The following HYDIN variants were observed in gnomAD, a reference collection of about 807,000 sequenced individuals.
HYDIN encodes the protein HYDIN axonemal central pair apparatus protein, also known as axonemal central pair apparatus protein HYDIN.
A neutral mutation model predicts 403.9 loss-of-function variants in HYDIN; 132 were observed. That is an observed-to-expected ratio of 0.33 (90% CI 0.28 to 0.38). The LOEUF (loss-of-function observed/expected upper bound fraction) is 0.38. Among genes scored for constraint, HYDIN ranks in the 10% least tolerant of loss-of-function variants. The pLI, the probability that HYDIN is intolerant of heterozygous loss-of-function variation, is 1.00. For synonymous variants in HYDIN, 1,202 were observed against 1,891.7 expected, an observed-to-expected ratio of 0.64 and a Z score of 9.46; for missense variants, 2,827 against 5,009.5, an observed-to-expected ratio of 0.56 and a Z score of 13.15.
chr16:70,880,434 G>C (rs2040720231), intron 60 of HYDIN, among the ~76,000 whole-genome samples: 1 of 150,342 alleles, frequency 6.7e-6, no homozygotes, highest in African/African-American at 2.5e-5. Flanking sequence ...CTGGATGAGA[G>C]AATGGAGCAG....
chr16:71,201,116 T>C (rs1395527163), intron 1 of HYDIN, among the ~76,000 whole-genome samples: 1 of 152,172 alleles, frequency 6.6e-6, no homozygotes, highest in East Asian at 1.9e-4. Context: ...GACATCCCCT[T>C]CTTATATGTC....
chr16:71,100,246 T>C (rs537661477), intron 10 of HYDIN, among the ~76,000 whole-genome samples: 1 of 152,326 alleles, frequency 6.6e-6, no homozygotes, highest in South Asian at 2.1e-4. Flanking sequence ...AATAAATGAA[T>C]GAATAAATAG....
chr16:71,031,141 A>T (rs1597593718), intron 19 of HYDIN, among the ~76,000 whole-genome samples: 1 of 143,416 alleles, frequency 7.0e-6, no homozygotes, highest in South Asian at 2.3e-4. Flanking sequence ...CGGAGCTTGC[A>T]GTGAGCAGAG....
chr16:71,216,985 A>G (rs915398930), intron 1 of HYDIN, among the ~76,000 whole-genome samples: 6 of 152,208 alleles, frequency 3.9e-5, no homozygotes, highest in Admixed American at 3.3e-4. Flanking sequence ...TTGTCCTACA[A>G]AAGAGTTTTA....
chr16:71,179,711 G>C (rs903504434), intron 3 of HYDIN, among the ~76,000 whole-genome samples: 1 of 152,202 alleles, frequency 6.6e-6, no homozygotes, highest in African/African-American at 2.4e-5. Flanking sequence ...TTTTAACAAA[G>C]TACTTGCTTT....
At chr16:70,847,100 G>T (rs1488760308) in intron 75 of HYDIN, among the ~76,000 whole-genome samples, 1 of 151,182 alleles carries the variant, frequency 6.6e-6, no homozygotes, top group African/African-American at 2.4e-5. Context: ...GTTAGCTGGT[G>T]ATTTTGCTCG....
chr16:70,820,098 G>C (rs1422127463), intron 83 of HYDIN, among the ~76,000 whole-genome samples: 6 of 149,440 alleles, frequency 4.0e-5, no homozygotes, highest in Admixed American at 2.7e-4. Context: ...GAGTTTACAG[G>C]CTTGAGCCAC....
At chr16:70,985,401 T>C (rs975896998) in intron 27 of HYDIN, 79 bp from the exon 28 acceptor site, 2 of 1,065,970 alleles carry the variant, frequency 1.9e-6, no homozygotes, top group East Asian at 2.6e-5. Context: ...ACATGCCTCA[T>C]GGATAAGGGT....
chr16:71,042,294 T>C (rs1168415113), intron 18 of HYDIN, among the ~76,000 whole-genome samples: 1 of 152,248 alleles, frequency 6.6e-6, no homozygotes, highest in African/African-American at 2.4e-5. Context: ...TCCTTACCTG[T>C]CAACACAGTC....
At chr16:71,105,321 A>T (rs1209746912) in intron 10 of HYDIN, among the ~76,000 whole-genome samples, 4 of 150,418 alleles carry the variant, frequency 2.7e-5, no homozygotes, top group African/African-American at 9.7e-5. Context: ...CATATATCTA[A>T]AAAAAAAAAT....
intron 18 of HYDIN, among the ~76,000 whole-genome samples, chr16:71,042,346 C>T (rs1465425245): frequency 6.6e-6 from 1 of 151,872 alleles, no homozygotes; most frequent in Non-Finnish European, 1.5e-5. Context: ...TTGGATTTGC[C>T]TCTATATTGC....
At chr16:71,197,726 A>G (rs1224339096) in intron 1 of HYDIN, among the ~76,000 whole-genome samples, 1 of 151,990 alleles carries the variant, frequency 6.6e-6, no homozygotes, top group Non-Finnish European at 1.5e-5. Flanking sequence ...TGTAGAAATC[A>G]CTTTCCTTGA....
chr16:71,046,752 T>C (rs2081463586), intron 18 of HYDIN, among the ~76,000 whole-genome samples: 1 of 152,224 alleles, frequency 6.6e-6, no homozygotes, highest in African/African-American at 2.4e-5. Context: ...ATCTCTATAC[T>C]ATGCTACTTA....
In HYDIN at chr16:70,909,688, C is replaced by CT. The variant is rs74464612; in HGVS notation, c.8005-828dup. Among the ~76,000 whole-genome samples, 254 of 64,748 alleles carry CT rather than the reference C, an allele frequency of 3.9e-3. 1 individual carries two copies. The highest frequency in any genetic ancestry group is 9.4e-3 in the East Asian group (17 of 1,800). The allele number at this position is 64,748 out of a possible 152,430, so 42.5% of individuals were successfully genotyped here. On this transcript the variant is annotated intron_variant, in intron 47 of 85. Transcript: ENST00000393567. ...ATTTTCCTATTTGTCTCAGGCATGT[C>CT]TTTTTTTTTTTTTTTTTTTTTTTTT...
Position 71,093,820 on chromosome 16 carries a change from A to G in HYDIN, c.1443T>C (p.Tyr481=), listed in dbSNP as rs747058911. 1.1e-4 allele frequency: 174 copies of G among 1,613,278 alleles called. No homozygotes were observed. Among genetic ancestry groups the G allele is most frequent in the Non-Finnish European group, 1.4e-4 (167 of 1,179,590 alleles). ...GKVFTGSAHC[Y]EAILYNKGSI... ...AACGAACAACTCTAGTGCTTACCTCATAACAATGTGCAGATCCAGTGAAAA... is the reference window on the plus strand; with the variant it reads ...AACGAACAACTCTAGTGCTTACCTCGTAACAATGTGCAGATCCAGTGAAAA... Residue 481 remains tyrosine (Y), a synonymous_variant, in exon 11 of 86, where the codon TAT becomes TAC. Transcript: ENST00000393567.
At chr16:70,924,054 A>G (rs1350590432) in intron 45 of HYDIN, among the ~76,000 whole-genome samples, 3 of 150,154 alleles carry the variant, frequency 2.0e-5, no homozygotes, top group Admixed American at 1.3e-4. Flanking sequence ...TTAAAAAGAT[A>G]GTAAGACAAA....
At chr16:71,114,093 C>T (rs1348195753) in intron 10 of HYDIN, 2 of 151,404 alleles carry the variant, frequency 1.3e-5, no homozygotes, top group Non-Finnish European at 2.9e-5. Flanking sequence ...TGGGATAAAC[C>T]AAGATAGCAT....
chr16:71,137,989 CA>C (rs1274584747), intron 7 of HYDIN, among the ~76,000 whole-genome samples: 2 of 151,434 alleles, frequency 1.3e-5, no homozygotes, highest in African/African-American at 4.9e-5. Context: ...AAAAAGAAGA[CA>C]AAAATTGTAT....
At chr16:70,886,604 T>C (rs2143702958) in intron 58 of HYDIN, among the ~76,000 whole-genome samples, 1 of 152,380 alleles carries the variant, frequency 6.6e-6, no homozygotes, top group East Asian at 1.9e-4. Flanking sequence ...AGGGTAAGTC[T>C]ACTGGTGACA....
Sources: gnomAD v4.1 joint callset for allele counts (sites outside exome capture counted in the v4.1 genomes callset) on GRCh38, gnomAD v4.1.1 for gene constraint, MANE v1.5 for transcripts, NCBI Gene and HGNC (gene_info 2026-07-23, HGNC 2026-07-21) for gene names.